The following ARHGEF10L variants were observed in gnomAD, a reference collection of about 807,000 sequenced individuals.
ARHGEF10L encodes Rho guanine nucleotide exchange factor 10 like.
Under a neutral mutation model 141.2 loss-of-function variants are expected in ARHGEF10L, and 69 were observed. That is an observed-to-expected ratio of 0.49 (90% confidence interval 0.40 to 0.60). The LOEUF (loss-of-function observed/expected upper bound fraction) is 0.60, where lower values mean the gene tolerates loss of function less well. Among genes scored for constraint, ARHGEF10L ranks in the 20% least tolerant of loss-of-function variants. The pLI is 0.00. For synonymous variants in ARHGEF10L, 711 were observed against 718.5 expected, an observed-to-expected ratio of 0.99 and a Z score of 0.17; for missense variants, 1,482 against 1,734.3, an observed-to-expected ratio of 0.85 and a Z score of 2.58.
intron 22 of ARHGEF10L, among the ~76,000 whole-genome samples, chr1:17,649,045 G>C: frequency 6.6e-6 from 1 of 152,216 alleles, no homozygotes; most frequent in Admixed American, 6.5e-5. Flanking sequence ...TTTGGCGCAG[G>C]GATTGCCCTC....
intron 25 of ARHGEF10L, among the ~76,000 whole-genome samples, chr1:17,662,941 T>G (rs2062719752): frequency 6.6e-6 from 1 of 152,108 alleles, no homozygotes; most frequent in Non-Finnish European, 1.5e-5. Context: ...GTGTCCTGCC[T>G]TCTAGTCCCC....
intron 26 of ARHGEF10L, among the ~76,000 whole-genome samples, chr1:17,676,102 A>G (rs1046967844): frequency 1.4e-5 from 2 of 142,586 alleles, no homozygotes; most frequent in East Asian, 2.3e-4. Context: ...GTGTAGGTGC[A>G]GGTGTACGTG....
At chr1:17,652,762 C>T (rs572300587) in intron 22 of ARHGEF10L, among the ~76,000 whole-genome samples, 1 of 152,242 alleles carries the variant, frequency 6.6e-6, no homozygotes, top group Admixed American at 6.5e-5. Context: ...CACCTGGGGA[C>T]AGGGCCTTGG....
At chr1:17,520,249 C>T in the ARHGEF10L span, among the ~76,000 whole-genome samples, 1 of 152,202 alleles carries the variant, frequency 6.6e-6, no homozygotes, top group Non-Finnish European at 1.5e-5. Flanking sequence ...CTCCTGCTTA[C>T]CGCCCTTGCC....
At chr1:17,672,967 G>C (rs2063416536) in intron 26 of ARHGEF10L, among the ~76,000 whole-genome samples, 1 of 152,142 alleles carries the variant, frequency 6.6e-6, no homozygotes, top group Non-Finnish European at 1.5e-5. Context: ...TCCTCACCTG[G>C]AGGAGCTCAG....
chr1:17,571,427 C>T (rs1227257600), intron 1 of ARHGEF10L, among the ~76,000 whole-genome samples: 1 of 152,078 alleles, frequency 6.6e-6, no homozygotes, highest in Non-Finnish European at 1.5e-5. Flanking sequence ...GGAGACGGAG[C>T]ATGGGCACTC....
rs74059630 is a variant in ARHGEF10L, at chr1:17,692,978, C to T, written c.3185-2180C>T. Among the ~76,000 whole-genome samples the T allele has an allele frequency of 4.8e-3, 730 of 152,326 alleles. 2 individuals carry two copies. The highest frequency in any genetic ancestry group is 0.017 in the African/African-American group (690 of 41,570). The stretch of plus-strand genomic sequence containing the variant: ...TCACCCAGCAGCCTCACGCCTGCCT[C>T]CCTATCCTTCCAGGAAGTAGAGGGA... On this transcript the variant is annotated intron_variant, in intron 27 of 28. Coordinates refer to ENST00000361221, the MANE Select transcript of ARHGEF10L (RefSeq NM_018125.4).
chr1:17,522,976 G>T, the ARHGEF10L span, among the ~76,000 whole-genome samples: 3 of 152,004 alleles, frequency 2.0e-5, no homozygotes, highest in Non-Finnish European at 4.4e-5. Flanking sequence ...CATGTCTGTG[G>T]TCCCAGCTAC....
intron 27 of ARHGEF10L, chr1:17,689,874 G>A (rs2064965902): frequency 6.6e-6 from 3 of 456,058 alleles, no homozygotes; most frequent in Non-Finnish European, 8.8e-6. Context: ...GAGGCAGGAT[G>A]TGTGGACAGA....
rs562553735 is a variant in ARHGEF10L, at chr1:17,576,191, G to A, written c.-43-4362G>A. On this transcript the variant is annotated intron_variant, in intron 1 of 28. Coordinates refer to ENST00000361221, the MANE Select transcript of ARHGEF10L (RefSeq NM_018125.4). ...GAGGGGTGGGAGATGGTCTTGGGGG[G>A]CCCGGGGTGGGACAGGGGCAGGCAG... is the stretch of plus-strand genomic sequence containing the variant. Among the ~76,000 whole-genome samples, 159 of 152,272 alleles carry A rather than the reference G, an allele frequency of 1.0e-3. 2 individuals are homozygous for A. Among genetic ancestry groups the A allele is most frequent in the African/African-American group, 3.6e-3 (148 of 41,560 alleles).
At chr1:17,653,487 G>A (rs546308185) in intron 22 of ARHGEF10L, among the ~76,000 whole-genome samples, 1 of 152,298 alleles carries the variant, frequency 6.6e-6, no homozygotes, top group Non-Finnish European at 1.5e-5. Flanking sequence ...CCGTGGCCTC[G>A]TCTCCACCAA....
Position 17,654,579 on chromosome 1 carries a change from A to G in ARHGEF10L, c.2395-57A>G. ...GATGGGGCCCAGGAATCTGCCAAAT[A>G]TTGGCATCTGGGCACCTTGATGATT... On this transcript the variant is annotated intron_variant, in intron 22 of 28. Transcript: ENST00000361221. The surrounding 1 kb of genome is among the most constrained non-coding windows in gnomAD (Gnocchi z 4.3). The G allele has an allele frequency of 4.1e-6, 6 of 1,476,490 alleles. No homozygotes were observed. Among genetic ancestry groups the G allele is most frequent in the East Asian group, 2.3e-5 (1 of 44,204 alleles). 91.5% of individuals were successfully genotyped at this position (1,476,490 alleles called of 1,614,324 possible).
rs1242378085 is a variant in ARHGEF10L, at chr1:17,656,537, C to G, written c.2706-17C>G. The G allele has an allele frequency of 6.2e-7, 1 of 1,603,246 alleles. No individual in the cohort carries two copies. Among genetic ancestry groups the G allele is most frequent in the East Asian group, 2.2e-5 (1 of 44,554 alleles). On this transcript the variant is annotated splice_polypyrimidine_tract_variant and intron_variant, in intron 24 of 28. Transcript: ENST00000361221. This position sits in a 1 kb window ranked among gnomAD's most constrained non-coding sequence, Gnocchi z 4.9. ...TGCTCAGTGTGTCATGACCGCTTCTCCAACCTCTCCCCGCAGCATCCTCCT... is the reference window on the plus strand; with the variant it reads ...TGCTCAGTGTGTCATGACCGCTTCTGCAACCTCTCCCCGCAGCATCCTCCT...
rs747072482 is a variant in ARHGEF10L at position 17,619,368 on chromosome 1, C to T, written c.865C>T (p.Leu289=). The part of the protein sequence containing the change: ...GDSEEEDMGL[L]EVSVSDIKPP... ...CTCGGAGGAGGAGGACATGGGGCTCCTGGAGGTCAGCGTTTCGGACATCAA... is the reference window on the plus strand; with the variant it reads ...CTCGGAGGAGGAGGACATGGGGCTCTTGGAGGTCAGCGTTTCGGACATCAA... Residue 289 remains leucine (L), a synonymous_variant, in exon 10 of 29, where the codon CTG becomes TTG. Transcript: ENST00000361221. This position sits in a 1 kb window ranked among gnomAD's most constrained non-coding sequence, Gnocchi z 5.0. 4 of 1,613,198 alleles carry T rather than the reference C, an allele frequency of 2.5e-6. No homozygotes were observed. The highest frequency in any genetic ancestry group is 1.6e-4 in the Middle Eastern group (1 of 6,062).
rs1190235080 is a variant in ARHGEF10L at position 17,573,122 on chromosome 1, C to T, written c.-43-7431C>T. ...TGGACCTCCCTTTCCCTGCCTGCCT[C>T]ATCCTCCTGGGGGGCTTTGGGTAGG... On this transcript the variant is annotated intron_variant, in intron 1 of 28. Coordinates refer to ENST00000361221, the MANE Select transcript of ARHGEF10L (RefSeq NM_018125.4). The surrounding 1 kb of genome is among the most constrained non-coding windows in gnomAD (Gnocchi z 4.8). 6.6e-6 allele frequency among the ~76,000 whole-genome samples: 1 copy of T among 152,200 alleles called. No individual in the cohort carries two copies. The highest frequency in any genetic ancestry group is 2.1e-4 in the South Asian group (1 of 4,834).
At chr1:17,581,172 G>A (rs928437853) in intron 2 of ARHGEF10L, among the ~76,000 whole-genome samples, 3 of 151,680 alleles carry the variant, frequency 2.0e-5, no homozygotes, top group Non-Finnish European at 4.4e-5. Context: ...AAATTAGCTG[G>A]GTATGGTGTG....
intron 26 of ARHGEF10L, among the ~76,000 whole-genome samples, chr1:17,678,008 G>T (rs1372499791): frequency 1.3e-5 from 2 of 152,134 alleles, no homozygotes; most frequent in Non-Finnish European, 2.9e-5. Flanking sequence ...CGGGTGAGCT[G>T]AGCTGAGCTG....
intron 1 of ARHGEF10L, among the ~76,000 whole-genome samples, chr1:17,553,518 A>C (rs995128787): frequency 3.9e-5 from 6 of 152,164 alleles, no homozygotes; most frequent in Non-Finnish European, 8.8e-5. Flanking sequence ...GTGGTGGCTC[A>C]TGCCTGTAAT....
At chr1:17,574,680 C>T (rs2078146797) in intron 1 of ARHGEF10L, among the ~76,000 whole-genome samples, 2 of 152,190 alleles carry the variant, frequency 1.3e-5, no homozygotes, top group African/African-American at 4.8e-5. Context: ...CTGCGCCCCT[C>T]CTGCTATAGC....
Sources: allele counts gnomAD v4.1 joint callset (sites outside exome capture counted in the v4.1 genomes callset), GRCh38; gene constraint gnomAD v4.1.1; non-coding constraint Gnocchi (gnomAD v3.1); transcripts MANE v1.5; gene names NCBI Gene and HGNC (gene_info 2026-07-23, HGNC 2026-07-21).